Variants in SLC2A13 observed in about 807,000 individuals in gnomAD.
The protein encoded by SLC2A13 is solute carrier family 2 member 13.
SLC2A13 carries 32 observed loss-of-function variants against 64.4 expected under a neutral mutation model. The observed-to-expected ratio is 0.50, with a 90% confidence interval of 0.37 to 0.67. SLC2A13 has a LOEUF of 0.67. Ranked by LOEUF, SLC2A13 falls within the 30% of genes least tolerant of loss-of-function variation. The pLI is 0.00. For missense variants in SLC2A13, 743 were observed against 829.2 expected (o/e 0.90, Z 1.28); for synonymous variants, 338 against 327.1 (o/e 1.03, Z -0.36).
intron 6 of SLC2A13, chr12:39,835,835 G>A (rs187624435): frequency 6.8e-4 from 104 of 152,208 alleles, no homozygotes; most frequent in African/African-American, 2.4e-3. Flanking sequence ...AATAATTTTA[G>A]GGGGTAGATG....
At chr12:39,995,615 A>G (rs1032704581) in intron 3 of SLC2A13, among the ~76,000 whole-genome samples, 20 of 152,278 alleles carry the variant, frequency 1.3e-4, no homozygotes, top group Non-Finnish European at 2.2e-4. Flanking sequence ...CACTATCTCA[A>G]ATATTGTTGT....
At chr12:39,936,025 G>A (rs1006815650) in intron 4 of SLC2A13, among the ~76,000 whole-genome samples, 4 of 152,210 alleles carry the variant, frequency 2.6e-5, no homozygotes, top group Non-Finnish European at 5.9e-5. Flanking sequence ...ATGGGCAAAA[G>A]CCACAAAGGG....
chr12:39,953,607 G>C (rs1207454534), intron 3 of SLC2A13, among the ~76,000 whole-genome samples: 1 of 152,058 alleles, frequency 6.6e-6, no homozygotes, highest in African/African-American at 2.4e-5. Context: ...TTTTGCTTTT[G>C]TAATTAAAAA....
chr12:39,783,932 C>T (rs900298277), intron 7 of SLC2A13, among the ~76,000 whole-genome samples: 3 of 152,112 alleles, frequency 2.0e-5, no homozygotes, highest in African/African-American at 7.2e-5. Flanking sequence ...ACACAAATAA[C>T]AGACAAACAG....
chr12:39,964,965 GA>G (rs1475284776), intron 3 of SLC2A13, among the ~76,000 whole-genome samples: 2 of 151,914 alleles, frequency 1.3e-5, no homozygotes, highest in Non-Finnish European at 2.9e-5. Context: ...TTTCTATAGG[GA>G]AAAAAATTAT....
intron 7 of SLC2A13, chr12:39,820,009 A>G (rs910886554): frequency 6.6e-6 from 1 of 152,178 alleles, no homozygotes; most frequent in Non-Finnish European, 1.5e-5. Context: ...AAATTCTGTT[A>G]TATAATCCAA....
At chr12:40,072,140 T>C (rs7304279) in intron 1 of SLC2A13, among the ~76,000 whole-genome samples, 131,937 of 152,102 alleles carry the variant, frequency 0.87, 57,285 homozygotes, top group East Asian at 0.95. Context: ...TTTGCTATTT[T>C]TATTCAGATT....
intron 7 of SLC2A13, among the ~76,000 whole-genome samples, chr12:39,811,791 T>C (rs1312620697): frequency 1.3e-5 from 2 of 152,174 alleles, no homozygotes; most frequent in Admixed American, 6.5e-5. Flanking sequence ...TCTAGCTTTA[T>C]ATGATTAGTG....
At chr12:40,090,432 CTTTGAG>C (rs1220916369) in intron 1 of SLC2A13, among the ~76,000 whole-genome samples, 3 of 152,046 alleles carry the variant, frequency 2.0e-5, no homozygotes, top group African/African-American at 4.8e-5. Context: ...CTGACAGTGG[CTTTGAG>C]TTTATGTCTA....
At chr12:40,025,406 T>C (rs953959951) in intron 3 of SLC2A13, among the ~76,000 whole-genome samples, 5 of 152,078 alleles carry the variant, frequency 3.3e-5, no homozygotes, top group African/African-American at 1.2e-4. Context: ...AAGTTTAAAT[T>C]CAAGTGAACA....
intron 7 of SLC2A13, among the ~76,000 whole-genome samples, chr12:39,820,717 T>TTATATATATA (rs11272834): frequency 9.8e-5 from 13 of 132,700 alleles, no homozygotes; most frequent in Non-Finnish European, 1.7e-4. Context: ...ATTTTTAAAT[T>TTATATATATA]TATATATATA....
chr12:40,011,156 C>T (rs1312264843), intron 3 of SLC2A13, among the ~76,000 whole-genome samples: 1 of 152,124 alleles, frequency 6.6e-6, no homozygotes, highest in Non-Finnish European at 1.5e-5. Context: ...CAAATAATAA[C>T]GGTAGGCAGG....
intron 6 of SLC2A13, among the ~76,000 whole-genome samples, chr12:39,844,338 A>T (rs1288173703): frequency 6.6e-6 from 1 of 152,066 alleles, no homozygotes; most frequent in Non-Finnish European, 1.5e-5. Flanking sequence ...GTCAAAGTTT[A>T]ATGTAAGCAC....
At chr12:39,897,268 T>C (rs1944948475) in intron 4 of SLC2A13, among the ~76,000 whole-genome samples, 1 of 152,140 alleles carries the variant, frequency 6.6e-6, no homozygotes, top group South Asian at 2.1e-4. Context: ...TCAAACAGTT[T>C]AAAAGAACGT....
chr12:39,834,109 C>G (rs1323796850), intron 6 of SLC2A13, among the ~76,000 whole-genome samples: 1 of 151,976 alleles, frequency 6.6e-6, no homozygotes, highest in Non-Finnish European at 1.5e-5. Flanking sequence ...ATAGTTTTCC[C>G]TGGGTGCAAT....
At chr12:40,024,927 C>T (rs1466478427) in intron 3 of SLC2A13, among the ~76,000 whole-genome samples, 1 of 152,168 alleles carries the variant, frequency 6.6e-6, no homozygotes, top group Non-Finnish European at 1.5e-5. Flanking sequence ...GAGACACAGC[C>T]AGTGATATTC....
chr12:39,829,980 AGTAATGTAGTT>A, intron 7 of SLC2A13, 112 bp downstream of exon 7: 2 of 1,196,652 alleles, frequency 1.7e-6, no homozygotes, highest in East Asian at 5.1e-5. Flanking sequence ...TATGCTGCAA[AGTAATGTAGTT>A]ATGAAGGCCA....
At chr12:39,976,696 G>C (rs1419007848) in intron 3 of SLC2A13, among the ~76,000 whole-genome samples, 3 of 151,866 alleles carry the variant, frequency 2.0e-5, no homozygotes, top group African/African-American at 7.3e-5. Flanking sequence ...GCTGCCCCTG[G>C]CCATGTTTCA....
chr12:39,952,931 C>G (rs976226286), intron 3 of SLC2A13, among the ~76,000 whole-genome samples: 1 of 152,062 alleles, frequency 6.6e-6, no homozygotes, highest in Non-Finnish European at 1.5e-5. Flanking sequence ...CAAGGCACTA[C>G]CTTTCCTTTA....
Sources: allele counts gnomAD v4.1 joint callset (sites outside exome capture counted in the v4.1 genomes callset), GRCh38; gene constraint gnomAD v4.1.1; transcripts MANE v1.5; gene names NCBI Gene and HGNC (gene_info 2026-07-23, HGNC 2026-07-21).